Variants in ARID1A observed in about 807,000 individuals in gnomAD.
The protein encoded by ARID1A is AT-rich interactive domain-containing protein 1A.
Under a neutral mutation model 212.6 loss-of-function variants are expected in ARID1A, and 20 were observed. The observed-to-expected ratio is 0.09, with a 90% CI of 0.07 to 0.14. ARID1A has a LOEUF of 0.14. ARID1A is among the 10% of genes least tolerant of loss of function. The pLI is 1.00. For missense variants in ARID1A, 2,587 were observed against 3,059.0 expected (o/e 0.85, Z 3.64); for synonymous variants, 1,376 against 1,222.1 (o/e 1.13, Z -2.63).
intron 1 of ARID1A, among the ~76,000 whole-genome samples, chr1:26,698,288 C>T (rs975086472): frequency 4.6e-5 from 7 of 152,204 alleles, no homozygotes; most frequent in African/African-American, 7.2e-5. Flanking sequence ...ATCTGATTGG[C>T]TCCCCATCTC....
intron 4 of ARID1A, among the ~76,000 whole-genome samples, chr1:26,752,701 G>C (rs1016365332): frequency 2.0e-5 from 3 of 152,124 alleles, no homozygotes; most frequent in Admixed American, 6.5e-5. Flanking sequence ...TTCAGCATGA[G>C]AGCAGCCTAG....
intron 1 of ARID1A, among the ~76,000 whole-genome samples, chr1:26,719,941 C>CA (rs1213565550): frequency 0.037 from 1,832 of 49,544 alleles, 44 homozygotes; most frequent in African/African-American, 0.11. Flanking sequence ...AAGTCCGTCT[C>CA]AAAAAAAAAA....
intron 4 of ARID1A, among the ~76,000 whole-genome samples, chr1:26,742,047 G>A (rs2080792958): frequency 1.3e-5 from 2 of 152,140 alleles, no homozygotes; most frequent in South Asian, 4.2e-4. Context: ...AAAACCAAGG[G>A]TCAGAATCAA....
intron 13 of ARID1A, 60 bp downstream of exon 13, chr1:26,772,692 C>T (rs1312485483): frequency 1.2e-5 from 20 of 1,612,806 alleles, no homozygotes; most frequent in Non-Finnish European, 1.7e-5. Flanking sequence ...TGCATGGGAA[C>T]TCCTTGCAGC....
chr1:26,718,218 ACCTG>A (rs1373312779), intron 1 of ARID1A, among the ~76,000 whole-genome samples: 1 of 152,062 alleles, frequency 6.6e-6, no homozygotes, highest in Non-Finnish European at 1.5e-5. Flanking sequence ...CAGGTGATCC[ACCTG>A]CCTCCGCCTC....
At position 26,697,229 on chromosome 1, in the gene ARID1A, G is replaced by A. The variant is rs2124743769; in HGVS notation, c.826G>A (p.Gly276Arg). 1.5e-6 allele frequency: 2 copies of A among 1,377,510 alleles called. No homozygotes were observed. The highest frequency in any genetic ancestry group is 1.7e-5 in the South Asian group (1 of 57,956). The allele number at this position is 1,377,510 out of a possible 1,614,324, so 85.3% of individuals were successfully genotyped here. A position where few individuals can be genotyped will look rare whatever the true frequency, so the allele number is the denominator to read the frequency against. The change falls in exon 1 of 20, where the codon GGA becomes AGA. Residue 276 changes from glycine to arginine, a missense_variant. Gly to Arg is a moderately radical substitution (Grantham distance 125). Coordinates refer to ENST00000324856, the MANE Select transcript of ARID1A (RefSeq NM_006015.6). Reference sequence around the variant, plus strand: ...TCAGCAGCGCTTCGGGGCCATGGGGGGAGGCGGCCCCTCCGCGGCCGGCGG... The same window carrying A: ...TCAGCAGCGCTTCGGGGCCATGGGGAGAGGCGGCCCCTCCGCGGCCGGCGG... ...FAQQRFGAMG[G>R]GGPSAAGGGT...
At chr1:26,773,136 CT>C (rs1209687152) in intron 14 of ARID1A, 149 bp downstream of exon 14, 2 of 1,279,796 alleles carry the variant, frequency 1.6e-6, no homozygotes, top group East Asian at 4.9e-5. Flanking sequence ...TCATCCTTAC[CT>C]CCTTTCTTGT....
At chr1:26,721,359 G>A (rs959541519) in intron 1 of ARID1A, among the ~76,000 whole-genome samples, 4 of 151,996 alleles carry the variant, frequency 2.6e-5, no homozygotes, top group African/African-American at 7.2e-5. Flanking sequence ...CTACAGGCGC[G>A]TGCCATCACA....
rs1210287540 is a variant in ARID1A, at chr1:26,696,659, G to T, written c.256G>T (p.Gly86Cys). Reference protein sequence around the residue: ...GAESNGGGGGGGAGSGGGPGA... With the variant: ...GAESNGGGGGCGAGSGGGPGA... ...CGAGAGCAATGGGGGTGGCGGCGGCGGCGGAGCCGGCAGCGGCGGCGGGCC... is the reference window on the plus strand; with the variant it reads ...CGAGAGCAATGGGGGTGGCGGCGGCTGCGGAGCCGGCAGCGGCGGCGGGCC... Residue 86 changes from glycine (G) to cysteine (C), a missense_variant, in exon 1 of 20, where the codon GGC (glycine) becomes TGC (cysteine). Physicochemically the swap from Gly to Cys is radical, Grantham distance 159. Coordinates refer to ENST00000324856, the MANE Select transcript of ARID1A (RefSeq NM_006015.6). 1 of 1,316,782 alleles carries T rather than the reference G, an allele frequency of 7.6e-7. No homozygotes were observed. Among genetic ancestry groups the T allele is most frequent in the Non-Finnish European group, 9.6e-7 (1 of 1,036,504 alleles). The allele number at this position is 1,316,782 out of a possible 1,614,324, so 81.6% of individuals were successfully genotyped here. A position where few individuals can be genotyped will look rare whatever the true frequency, so the allele number is the denominator to read the frequency against.
chr1:26,750,140 C>G (rs2080871987), intron 4 of ARID1A, among the ~76,000 whole-genome samples: 1 of 152,150 alleles, frequency 6.6e-6, no homozygotes, highest in South Asian at 2.1e-4. Flanking sequence ...CTAGAGGAGC[C>G]TCAGAGGAAC....
intron 1 of ARID1A, among the ~76,000 whole-genome samples, chr1:26,710,150 C>T (rs1352033272): frequency 1.4e-5 from 2 of 145,566 alleles, no homozygotes; most frequent in African/African-American, 5.0e-5. Flanking sequence ...CATTAAAACA[C>T]ACAGGCCGGG....
chr1:26,778,944 G>C lies in ARID1A; in HGVS notation c.5125-79G>C, dbSNP rs1281865409. 3 of 1,365,004 alleles carry C rather than the reference G, an allele frequency of 2.2e-6. No homozygotes were observed. In the Admixed American group the frequency reaches 7.3e-5, roughly 33 times the overall value. 84.6% of individuals were successfully genotyped at this position (1,365,004 alleles called of 1,614,324 possible). On this transcript the variant is annotated intron_variant, in intron 19 of 19. Transcript: ENST00000324856. ...TCTCCCAACTGATACAGAAGACTTG[G>C]GGAGGTCTCTCAAGTCAATAATTCT... is the stretch of plus-strand genomic sequence containing the variant.
At chr1:26,756,509 T>C (rs1008020423) in intron 4 of ARID1A, among the ~76,000 whole-genome samples, 3 of 150,932 alleles carry the variant, frequency 2.0e-5, no homozygotes, top group Non-Finnish European at 2.9e-5. Context: ...TGAGCCAAGA[T>C]TATACCACTG....
At chr1:26,757,273 C>A (rs1462419719) in intron 4 of ARID1A, among the ~76,000 whole-genome samples, 1 of 149,204 alleles carries the variant, frequency 6.7e-6, no homozygotes, top group Non-Finnish European at 1.5e-5. Context: ...CCAGACCATC[C>A]TGGCTAACAT....
rs769541701 is a variant in ARID1A at position 26,779,838 on chromosome 1, C to T, written c.5940C>T (p.Arg1980=). ...LLDWQDSLAK[R]CVCVSNTIRS... Reference sequence around the variant, plus strand: ...ACTGGCAGGATTCTCTTGCCAAGCGCTGCGTCTGTGTGTCCAATACCATTC... The same window carrying T: ...ACTGGCAGGATTCTCTTGCCAAGCGTTGCGTCTGTGTGTCCAATACCATTC... The change falls in exon 20 of 20, where the codon CGC becomes CGT. Residue 1980 remains arginine, a synonymous_variant. Coordinates refer to ENST00000324856, the MANE Select transcript of ARID1A (RefSeq NM_006015.6). 3 of 1,614,016 alleles carry T rather than the reference C, an allele frequency of 1.9e-6. No homozygotes were observed. In the Admixed American group the frequency reaches 5.0e-5, roughly 27 times the overall value.
intron 8 of ARID1A, 21 bp from the exon 9 acceptor site, chr1:26,766,200 A>T (rs1385969125): frequency 6.2e-7 from 1 of 1,610,248 alleles, no homozygotes; most frequent in Non-Finnish European, 8.5e-7. Context: ...TGTCTCTCTC[A>T]CTTTCCATCT....
chr1:26,781,125 A>G lies in ARID1A; in HGVS notation c.*369A>G. On this transcript the variant is annotated 3_prime_UTR_variant, in exon 20 of 20. Transcript: ENST00000324856. ...AATGGCTTTCCCAGTCCTTGCATCA[A>G]CGGGATGCCACATTTCATAACTGTT... is the stretch of plus-strand genomic sequence containing the variant. 3.9e-6 allele frequency: 1 copy of G among 257,222 alleles called. No individual in the cohort carries two copies. Among genetic ancestry groups the G allele is most frequent in the East Asian group, 5.7e-5 (1 of 17,604 alleles). 15.9% of individuals were successfully genotyped at this position (257,222 alleles called of 1,614,324 possible). A position where few individuals can be genotyped will look rare whatever the true frequency, so the allele number is the denominator to read the frequency against.
intron 19 of ARID1A, among the ~76,000 whole-genome samples, chr1:26,776,603 GACCCACCCTCCATAGGATGT>G (rs1262495995): frequency 6.7e-6 from 1 of 150,330 alleles, no homozygotes; most frequent in Non-Finnish European, 1.5e-5. Flanking sequence ...TGATTCTTCA[GACCCACCCTCCATAGGATGT>G]GCACACTAGT....
Position 26,732,771 on chromosome 1 carries a change from G to A in ARID1A, c.1899G>A (p.Gln633=). The change falls in exon 4 of 20, where the codon CAG becomes CAA. Residue 633 remains glutamine, a synonymous_variant. Coordinates refer to ENST00000324856, the MANE Select transcript of ARID1A (RefSeq NM_006015.6). ...GGQEDMNLSL[Q]SRPSSLPDLS... ...AAGAAGATATGAACCTGAGCCTTCA[G>A]TCAAGACCCTCCAGCTTGCCTGTGA... The A allele has an allele frequency of 6.2e-7, 1 of 1,613,876 alleles. No homozygotes were observed. Among genetic ancestry groups the A allele is most frequent in the Non-Finnish European group, 8.5e-7 (1 of 1,179,786 alleles).
Sources: gnomAD v4.1 joint callset for allele counts (sites outside exome capture counted in the v4.1 genomes callset) on GRCh38, gnomAD v4.1.1 for gene constraint, MANE v1.5 for transcripts, NCBI Gene and HGNC (gene_info 2026-07-23, HGNC 2026-07-21) for gene names.